KIFAP3: variants seen among roughly 807,000 people sequenced by gnomAD.
KIFAP3 encodes kinesin-associated protein 3.
KIFAP3 carries 68 observed loss-of-function variants against 106.5 expected under a neutral mutation model. The ratio of observed to expected loss-of-function variants is 0.64; its 90% CI spans 0.53 to 0.78. KIFAP3 has a LOEUF of 0.78. Ranked by LOEUF, KIFAP3 falls within the 30% of genes least tolerant of loss-of-function variation. The pLI is 0.00. For synonymous variants in KIFAP3, 320 were observed against 311.5 expected, an observed-to-expected ratio of 1.03 and a Z score of -0.29; for missense variants, 780 against 941.8, an observed-to-expected ratio of 0.83 and a Z score of 2.25.
At chr1:170,066,918 G>C (rs904156258) in intron 1 of KIFAP3, among the ~76,000 whole-genome samples, 1 of 152,044 alleles carries the variant, frequency 6.6e-6, no homozygotes, top group African/African-American at 2.4e-5. Context: ...TGGAAAAAGA[G>C]AACATCATCC....
At chr1:170,021,412 A>T (rs1436844391) in intron 9 of KIFAP3, among the ~76,000 whole-genome samples, 1 of 151,644 alleles carries the variant, frequency 6.6e-6, no homozygotes, top group Non-Finnish European at 1.5e-5. Context: ...AATAAAAAAA[A>T]ACTTGGAGAG....
chr1:169,923,271 C>T (rs1176032160), intron 19 of KIFAP3, among the ~76,000 whole-genome samples: 1 of 152,062 alleles, frequency 6.6e-6, no homozygotes, highest in Non-Finnish European at 1.5e-5. Flanking sequence ...CTTTTTCTAA[C>T]TTTGATCTCA....
intron 2 of KIFAP3, among the ~76,000 whole-genome samples, chr1:170,053,769 C>G (rs914651112): frequency 9.2e-5 from 14 of 152,044 alleles, no homozygotes; most frequent in African/African-American, 3.4e-4. Flanking sequence ...ATAAATGGTG[C>G]TGGGAAAACT....
intron 3 of KIFAP3, among the ~76,000 whole-genome samples, chr1:170,040,828 T>G (rs1669936346): frequency 6.6e-6 from 1 of 151,458 alleles, no homozygotes; most frequent in Admixed American, 6.6e-5. Context: ...AATGTCTATT[T>G]TTGCTTTTTT....
chr1:170,061,245 A>C (rs1380024415), intron 1 of KIFAP3, among the ~76,000 whole-genome samples: 1 of 152,158 alleles, frequency 6.6e-6, no homozygotes, highest in East Asian at 1.9e-4. Flanking sequence ...ATGGGAGAAA[A>C]TTTTTGCAAT....
At chr1:169,926,575 T>C (rs1016598824) in intron 19 of KIFAP3, among the ~76,000 whole-genome samples, 2 of 152,052 alleles carry the variant, frequency 1.3e-5, no homozygotes, top group African/African-American at 4.8e-5. Flanking sequence ...TGACTGTGTA[T>C]ATATGTGTAT....
rs1243303909 is a variant in KIFAP3, at chr1:169,990,162, T to C, written c.1284+1993A>G. ...TTTACAAGAAGCACAGAGTTCAGTA[T>C]GAAATGAGAACACTTTACAGATGTT... On this transcript the variant is annotated intron_variant, in intron 11 of 19. Transcript: ENST00000361580. The C allele has an allele frequency of 2.7e-6, 4 of 1,479,264 alleles. No homozygotes were observed. In the African/African-American group the frequency reaches 5.8e-5, roughly 21 times the overall value. 91.6% of individuals were successfully genotyped at this position (1,479,264 alleles called of 1,614,324 possible). A position where few individuals can be genotyped will look rare whatever the true frequency, so the allele number is the denominator to read the frequency against.
intron 1 of KIFAP3, among the ~76,000 whole-genome samples, chr1:170,084,379 C>T (rs767339210): frequency 2.6e-5 from 4 of 152,258 alleles, no homozygotes; most frequent in African/African-American, 4.8e-5. Flanking sequence ...GTGCATGGCA[C>T]GTAGTACTAA....
chr1:169,987,292 C>T (rs561573563), intron 11 of KIFAP3, among the ~76,000 whole-genome samples: 4 of 152,118 alleles, frequency 2.6e-5, no homozygotes, highest in East Asian at 1.9e-4. Context: ...TCAGTCTGTG[C>T]GATGAAGAGG....
intron 16 of KIFAP3, among the ~76,000 whole-genome samples, chr1:169,977,161 G>A (rs1666259936): frequency 6.6e-6 from 1 of 152,202 alleles, no homozygotes; most frequent in Non-Finnish European, 1.5e-5. Flanking sequence ...GATGGTCAAA[G>A]CTTGAGAAAT....
At chr1:169,930,342 C>T (rs960037325) in intron 19 of KIFAP3, among the ~76,000 whole-genome samples, 1 of 152,170 alleles carries the variant, frequency 6.6e-6, no homozygotes, top group African/African-American at 2.4e-5. Context: ...AATTTAAACT[C>T]CATGGCATAT....
intron 10 of KIFAP3, among the ~76,000 whole-genome samples, chr1:170,001,352 C>A (rs1430347668): frequency 1.3e-5 from 2 of 152,084 alleles, no homozygotes; most frequent in East Asian, 3.8e-4. Context: ...AATATTCACA[C>A]ACACACAGTA....
chr1:169,973,585 CTTATAA>C (rs1666059915), intron 16 of KIFAP3, among the ~76,000 whole-genome samples: 4 of 148,982 alleles, frequency 2.7e-5, no homozygotes, highest in Admixed American at 2.7e-4. Context: ...GGCCAAGTTA[CTTATAA>C]GGAAAAGGAA....
In KIFAP3 at chr1:170,038,287, C is replaced by T. The variant is rs202212557; in HGVS notation, c.517+3G>A. 99 of 1,580,422 alleles carry T rather than the reference C, an allele frequency of 6.3e-5. No individual in the cohort carries two copies. In the African/African-American group the frequency reaches 1.2e-3, roughly 20 times the overall value. On this transcript the variant is annotated splice_donor_region_variant and intron_variant, in intron 5 of 19. Transcript: ENST00000361580. ...ATAATTAAACATGTTTTATAGTAAT[C>T]ACCATTCAATAGTAGTTCTTCCAAG...
chr1:169,959,450 C>G (rs949200439), intron 18 of KIFAP3, among the ~76,000 whole-genome samples: 1 of 152,028 alleles, frequency 6.6e-6, no homozygotes, highest in East Asian at 1.9e-4. Context: ...ATTAAAAAAA[C>G]CTAAATGTTT....
In KIFAP3 at chr1:170,059,497, T is replaced by C. The variant is rs147285533; in HGVS notation, c.33-4061A>G. 5.9e-3 allele frequency among the ~76,000 whole-genome samples: 902 copies of C among 151,996 alleles called. 5 individuals are homozygous for C. Among genetic ancestry groups the C allele is most frequent in the African/African-American group, 0.021 (851 of 41,486 alleles). The stretch of plus-strand genomic sequence containing the variant: ...AATCCCTGAACAGACCAATAACCAA[T>C]AGGCTCTGAAATTGAGGCAATAATT... On this transcript the variant is annotated intron_variant, in intron 1 of 19. Coordinates refer to ENST00000361580, the MANE Select transcript of KIFAP3 (RefSeq NM_014970.4).
chr1:170,006,522 T>C (rs527385497), intron 10 of KIFAP3, among the ~76,000 whole-genome samples: 1 of 152,258 alleles, frequency 6.6e-6, no homozygotes, highest in East Asian at 1.9e-4. Context: ...ATGGAATTTA[T>C]ATCCAATGAT....
upstream of KIFAP3, among the ~76,000 whole-genome samples, chr1:170,077,568 A>G (rs549035273): frequency 2.6e-5 from 4 of 152,352 alleles, no homozygotes; most frequent in South Asian, 8.3e-4. Context: ...TTTAAATTGC[A>G]CTATAATTTA....
chr1:170,041,906 G>T, intron 3 of KIFAP3: 1 of 1,334,230 alleles, frequency 7.5e-7, no homozygotes, highest in South Asian at 2.0e-5. Flanking sequence ...GCAACATTTG[G>T]GGGAAGTACT....
Sources: allele counts gnomAD v4.1 joint callset (sites outside exome capture counted in the v4.1 genomes callset), GRCh38; gene constraint gnomAD v4.1.1; transcripts MANE v1.5; gene names NCBI Gene and HGNC (gene_info 2026-07-23, HGNC 2026-07-21).